SULF1: variants seen among roughly 807,000 people sequenced by gnomAD.
SULF1 encodes extracellular sulfatase Sulf-1.
SULF1 carries 46 observed loss-of-function variants against 110.5 expected under a neutral mutation model. The ratio of observed to expected loss-of-function variants is 0.42; its 90% CI spans 0.33 to 0.53. The LOEUF is 0.53. SULF1 is among the 20% of genes least tolerant of loss of function. SULF1 has a pLI of 0.12. For missense variants in SULF1, 941 were observed against 1,094.2 expected, an observed-to-expected ratio of 0.86 and a Z score of 1.98; for synonymous variants, 371 against 387.1, an observed-to-expected ratio of 0.96 and a Z score of 0.49.
chr8:69,512,924 A>G (rs1303584221), intron 3 of SULF1, among the ~76,000 whole-genome samples: 1 of 152,106 alleles, frequency 6.6e-6, no homozygotes, highest in Non-Finnish European at 1.5e-5. Flanking sequence ...GATTTCCTTA[A>G]CTTATTATTA....
chr8:69,645,556 A>C (rs1811833160), intron 22 of SULF1, among the ~76,000 whole-genome samples: 1 of 152,230 alleles, frequency 6.6e-6, no homozygotes, highest in Non-Finnish European at 1.5e-5. Context: ...GACCAGAAAT[A>C]TATGGCGTCA....
Position 69,573,722 on chromosome 8 carries a change from C to A in SULF1, c.173-2248C>A, listed in dbSNP as rs188710884. On this transcript the variant is annotated intron_variant, in intron 5 of 22. Coordinates refer to ENST00000402687, the MANE Select transcript of SULF1 (RefSeq NM_001128205.2). ...CTCTTTCCACTTCTACATCTCCGTT[C>A]ATCCACTTATCTCCAGGATATTCCC... Among the ~76,000 whole-genome samples, 188 of 152,358 alleles carry A rather than the reference C, an allele frequency of 1.2e-3. 1 individual carries two copies. The highest frequency in any genetic ancestry group is 3.3e-3 in the Admixed American group (51 of 15,306).
At chr8:69,570,747 C>T (rs1210029666) in intron 5 of SULF1, among the ~76,000 whole-genome samples, 2 of 152,202 alleles carry the variant, frequency 1.3e-5, no homozygotes, top group African/African-American at 2.4e-5. Flanking sequence ...AAGGGTGGCA[C>T]TTCTCCCACT....
chr8:69,630,396 G>A (rs758564472), intron 19 of SULF1, among the ~76,000 whole-genome samples: 6 of 152,178 alleles, frequency 3.9e-5, no homozygotes, highest in Non-Finnish European at 8.8e-5. Flanking sequence ...TAACTGAGAA[G>A]CTCACTGGAG....
At chr8:69,623,071 T>C (rs1010433567) in intron 14 of SULF1, among the ~76,000 whole-genome samples, 1 of 152,226 alleles carries the variant, frequency 6.6e-6, no homozygotes, top group Non-Finnish European at 1.5e-5. Context: ...AGTTCTTATC[T>C]GGTACACATG....
At chr8:69,571,845 C>G (rs1805257789) in intron 5 of SULF1, among the ~76,000 whole-genome samples, 1 of 152,190 alleles carries the variant, frequency 6.6e-6, no homozygotes, top group African/African-American at 2.4e-5. Flanking sequence ...AATCATTGCA[C>G]AGCCATTAAA....
chr8:69,487,241 G>T (rs1252974620), intron 1 of SULF1, among the ~76,000 whole-genome samples: 1 of 152,108 alleles, frequency 6.6e-6, no homozygotes, highest in Non-Finnish European at 1.5e-5. Context: ...TATTGCTAAG[G>T]ATAAATGATT....
intron 2 of SULF1, among the ~76,000 whole-genome samples, chr8:69,497,754 A>G (rs925789775): frequency 1.3e-5 from 2 of 152,178 alleles, no homozygotes; most frequent in Non-Finnish European, 2.9e-5. Context: ...ATTTCTGAAC[A>G]ACGGGGACAA....
intron 6 of SULF1, among the ~76,000 whole-genome samples, chr8:69,577,781 G>A (rs1031615692): frequency 2.0e-5 from 3 of 152,174 alleles, no homozygotes; most frequent in Admixed American, 6.5e-5. Context: ...TGAAAAAACC[G>A]AGACTCAGAA....
rs535435070 is a variant in SULF1, at chr8:69,530,143, C to A, written c.-134+28175C>A. Reference sequence around the variant, plus strand: ...CCTTGCATCTTCCCAGGAGAGCTAGCGCTTGAGGAGTCTTTCTGGACTCTC... The same window carrying A: ...CCTTGCATCTTCCCAGGAGAGCTAGAGCTTGAGGAGTCTTTCTGGACTCTC... On this transcript the variant is annotated intron_variant, in intron 3 of 22. Transcript: ENST00000402687. Among the ~76,000 whole-genome samples, 4 of 152,270 alleles carry A rather than the reference C, an allele frequency of 2.6e-5. No homozygotes were observed. The East Asian group carries it at 5.8e-4, about 22-fold the overall frequency.
intron 8 of SULF1, among the ~76,000 whole-genome samples, chr8:69,598,697 C>T (rs927025325): frequency 2.6e-5 from 4 of 152,186 alleles, no homozygotes; most frequent in African/African-American, 9.7e-5. Context: ...TGGCCCAAAA[C>T]AGCTTTTTAA....
At chr8:69,612,483 T>C (rs1808739333) in intron 13 of SULF1, among the ~76,000 whole-genome samples, 1 of 150,562 alleles carries the variant, frequency 6.6e-6, no homozygotes, top group Non-Finnish European at 1.5e-5. Flanking sequence ...TGCAAAAGTG[T>C]TCCTTTTTGC....
intron 1 of SULF1, among the ~76,000 whole-genome samples, chr8:69,468,409 C>T (rs891394653): frequency 6.6e-6 from 1 of 151,956 alleles, no homozygotes; most frequent in Admixed American, 6.6e-5. Context: ...TTTTAAAATC[C>T]TTTTTTTAAA....
intron 8 of SULF1, among the ~76,000 whole-genome samples, chr8:69,598,040 T>C (rs1409428916): frequency 6.6e-6 from 1 of 150,532 alleles, no homozygotes; most frequent in East Asian, 2.0e-4. Context: ...ATACGAAACA[T>C]GGGCTTAAGT....
At chr8:69,616,947 T>C (rs1437022662) in intron 13 of SULF1, among the ~76,000 whole-genome samples, 1 of 152,084 alleles carries the variant, frequency 6.6e-6, no homozygotes, top group East Asian at 1.9e-4. Context: ...CACTAGCCGA[T>C]TATTTTGCTT....
intron 3 of SULF1, among the ~76,000 whole-genome samples, chr8:69,504,309 G>A (rs1811025805): frequency 6.6e-6 from 1 of 152,012 alleles, no homozygotes; most frequent in African/African-American, 2.4e-5. Context: ...GCCGAGGTGG[G>A]TGAATCAGCT....
intron 13 of SULF1, 106 bp from the exon 14 acceptor site, chr8:69,620,929 C>A (rs1265280791): frequency 6.0e-6 from 5 of 831,096 alleles, no homozygotes; most frequent in Admixed American, 2.8e-5. Flanking sequence ...AATGATATTG[C>A]CAGTGCTTCT....
intron 22 of SULF1, among the ~76,000 whole-genome samples, chr8:69,643,634 A>G (rs557772247): frequency 6.6e-6 from 1 of 152,102 alleles, no homozygotes; most frequent in Non-Finnish European, 1.5e-5. Flanking sequence ...GGTTTTCATA[A>G]AGCAAGTTTT....
rs774395320 is a variant in SULF1 at position 69,604,829 on chromosome 8, C to A, written c.1274C>A (p.Ser425Tyr). 5.0e-6 allele frequency: 8 copies of A among 1,613,966 alleles called. No homozygotes were observed. The highest frequency in any genetic ancestry group is 3.3e-5 in the Admixed American group (2 of 59,988). The change falls in exon 13 of 23, where the codon TCC becomes TAC. Residue 425 changes from serine to tyrosine, a missense_variant. This residue lies in a region of SULF1 where 822 missense variants were observed against 934.3 expected (regional missense o/e 0.88). Coordinates refer to ENST00000402687, the MANE Select transcript of SULF1 (RefSeq NM_001128205.2). ...AAATTTCTACGTAAGAAGGAAGAATCCAGCAAGAATATCCAACAGTCAAAT... is the reference window on the plus strand; with the variant it reads ...AAATTTCTACGTAAGAAGGAAGAATACAGCAAGAATATCCAACAGTCAAAT... ...RGKFLRKKEE[S>Y]SKNIQQSNHL... is the part of the protein sequence containing the mutation.
Sources: gnomAD v4.1 joint callset for allele counts (sites outside exome capture counted in the v4.1 genomes callset) on GRCh38, gnomAD v4.1.1 for gene constraint, gnomAD v4.1.1 regional missense constraint, MANE v1.5 for transcripts, NCBI Gene and HGNC (gene_info 2026-07-23, HGNC 2026-07-21) for gene names.